The following TMC6 variants were observed in gnomAD, a reference collection of about 807,000 sequenced individuals.
TMC6 encodes transmembrane channel-like protein 6.
A neutral mutation model predicts 95.4 loss-of-function variants in TMC6; 71 were observed. The ratio of observed to expected loss-of-function variants is 0.74; its 90% confidence interval spans 0.61 to 0.91. The LOEUF (loss-of-function observed/expected upper bound fraction) is 0.91, where lower values mean the gene tolerates loss of function less well. TMC6 is among the 40% of genes least tolerant of loss of function. The pLI is 0.00. For missense variants in TMC6, 1,074 were observed against 1,079.1 expected (o/e 1.00, Z 0.07); for synonymous variants, 514 against 483.1 (o/e 1.06, Z -0.84).
At chr17:78,125,065 G>T in intron 6 of TMC6, 80 bp from the exon 7 acceptor site, 1 of 1,539,878 alleles carries the variant, frequency 6.5e-7, no homozygotes, top group Non-Finnish European at 8.7e-7. Flanking sequence ...CCACCCACGG[G>T]CTCAGCCCCT....
At chr17:78,128,848 C>T (rs1301477271), upstream of TMC6, 1 of 149,696 alleles carries the variant, frequency 6.7e-6, no homozygotes, top group Non-Finnish European at 1.5e-5. This position sits in a 1 kb window ranked among gnomAD's most constrained non-coding sequence, Gnocchi z 4.0. Context: ...GCCCGGCCCG[C>T]GGCGCCCCCG....
chr17:78,113,824 A>G, intron 18 of TMC6, 200 bp from the exon 19 acceptor site: 2 of 616,076 alleles, frequency 3.2e-6, no homozygotes, highest in Non-Finnish European at 5.8e-6. Flanking sequence ...GTATGTGTGG[A>G]TCTAAGCTTC....
intron 9 of TMC6, among the ~76,000 whole-genome samples, 162 bp downstream of exon 9, chr17:78,123,799 GGATGGGTGGGTAGGTAGATGGATGGGTA>G (rs1250885416): frequency 6.6e-6 from 1 of 151,956 alleles, no homozygotes; most frequent in Non-Finnish European, 1.5e-5. Context: ...ATGAATGGGT[GGATGGGTGGGTAGGTAGATGGATGGGTA>G]GATGGGTGGG....
At chr17:78,116,228 C>T (rs1364922630) in intron 18 of TMC6, among the ~76,000 whole-genome samples, 1 of 150,544 alleles carries the variant, frequency 6.6e-6, no homozygotes, top group Non-Finnish European at 1.5e-5. Flanking sequence ...CTGCTCACCT[C>T]GGCCTCCCAA....
At position 78,113,644 on chromosome 17, in the gene TMC6, A is replaced by G. The variant is rs149800800; in HGVS notation, c.2278-20T>C. ...ACCCTCCTAGAAAGGCCAGAACACA[A>G]AGGGGAGGAGAAATCATCCATCAGC... On this transcript the variant is annotated intron_variant, in intron 18 of 19. Coordinates refer to ENST00000590602, the MANE Select transcript of TMC6 (RefSeq NM_001127198.5). The G allele has an allele frequency of 6.2e-7, 1 of 1,612,442 alleles. No homozygotes were observed. Among genetic ancestry groups the G allele is most frequent in the African/African-American group, 1.3e-5 (1 of 75,030 alleles).
intron 19 of TMC6, 97 bp from the exon 20 acceptor site, chr17:78,113,308 C>T (rs970409062): frequency 2.3e-5 from 31 of 1,377,402 alleles, no homozygotes; most frequent in East Asian, 5.0e-5. Flanking sequence ...ACAGGCCAGA[C>T]GCCCCACAGC....
Position 78,122,639 on chromosome 17 carries a change from C to T in TMC6, c.1193G>A (p.Arg398His), listed in dbSNP as rs150505551. ...DYKVTQKRAS[R>H]LQQDNIRTRL... ...GGTGCGAATATTGTCCTGCTGGAGG[C>T]GGGAGGCCCGCTTCTGCGTCACCTT... Residue 398 changes from arginine to histidine, a missense_variant, in exon 10 of 20, where the codon CGC becomes CAC. Coordinates refer to ENST00000590602, the MANE Select transcript of TMC6 (RefSeq NM_001127198.5). The surrounding 1 kb of genome is among the most constrained non-coding windows in gnomAD (Gnocchi z 4.9). The T allele has an allele frequency of 2.0e-5, 33 of 1,611,784 alleles. No individual in the cohort carries two copies. Among genetic ancestry groups the T allele is most frequent in the Middle Eastern group, 3.3e-4 (2 of 6,080 alleles).
chr17:78,115,067 C>T (rs927063474), intron 18 of TMC6, among the ~76,000 whole-genome samples: 22 of 152,352 alleles, frequency 1.4e-4, no homozygotes, highest in East Asian at 5.8e-4. Context: ...CCACCGCAGC[C>T]GAGATGCCAG....
Position 78,122,729 on chromosome 17 carries a change from T to A in TMC6, c.1103A>T (p.Glu368Val), listed in dbSNP as rs139624494. Reference protein sequence around the residue: ...LVYSMAHSFGESYRVGSTSGI... With the variant: ...LVYSMAHSFGVSYRVGSTSGI... ...AGAGGTGCTGCCCACCCGGTAGCTCTCCCCGAAAGAGTGAGCCATGCTGGG... is the reference window on the plus strand; with the variant it reads ...AGAGGTGCTGCCCACCCGGTAGCTCACCCCGAAAGAGTGAGCCATGCTGGG... The change falls in exon 10 of 20, where the codon GAG becomes GTG. Residue 368 changes from glutamate to valine, a missense_variant. Coordinates refer to ENST00000590602, the MANE Select transcript of TMC6 (RefSeq NM_001127198.5). This position sits in a 1 kb window ranked among gnomAD's most constrained non-coding sequence, Gnocchi z 4.9. 6.2e-7 allele frequency: 1 copy of A among 1,610,946 alleles called. No individual in the cohort carries two copies. The highest frequency in any genetic ancestry group is 8.5e-7 in the Non-Finnish European group (1 of 1,179,156).
intron 18 of TMC6, among the ~76,000 whole-genome samples, chr17:78,115,103 G>T (rs918108458): frequency 1.3e-5 from 2 of 152,254 alleles, no homozygotes; most frequent in Admixed American, 1.3e-4. Context: ...TGGTGAAACG[G>T]GAAAGGCAGG....
upstream of TMC6, among the ~76,000 whole-genome samples, chr17:78,129,116 G>C (rs55952362): frequency 0.044 from 5,118 of 115,170 alleles, 371 homozygotes; most frequent in African/African-American, 0.16. This position sits in a 1 kb window ranked among gnomAD's most constrained non-coding sequence, Gnocchi z 4.3. Context: ...ATTGGGCAGC[G>C]CCCCCCCCCC....
chr17:78,125,601 G>C (rs950469342), intron 5 of TMC6, 125 bp downstream of exon 5: 5 of 1,419,918 alleles, frequency 3.5e-6, no homozygotes, highest in South Asian at 1.3e-5. Context: ...CAGGCAGCCT[G>C]CTAAGGGATA....
chr17:78,119,648 T>A (rs918417998), intron 13 of TMC6: 2 of 539,432 alleles, frequency 3.7e-6, no homozygotes, highest in Non-Finnish European at 6.7e-6. Flanking sequence ...GATTTTTTCT[T>A]TTTTGAAACA....
Position 78,119,024 on chromosome 17 carries a change from G to A in TMC6, c.1834C>T (p.Leu612Phe), listed in dbSNP as rs1331761213. 1 of 1,601,700 alleles carries A rather than the reference G, an allele frequency of 6.2e-7. No homozygotes were observed. The highest frequency in any genetic ancestry group is 1.3e-5 in the African/African-American group (1 of 74,786). Reference sequence around the variant, plus strand: ...TTGATGATCTGCACGGCGGGGAGGAGGGGCGAGAAGAGCACCCCCAGCCTG... The same window carrying A: ...TTGATGATCTGCACGGCGGGGAGGAAGGGCGAGAAGAGCACCCCCAGCCTG... ...LTWLGVLFSP[L>F]LPAVQIIKLL... Residue 612 changes from leucine (L) to phenylalanine (F), a missense_variant, in exon 15 of 20, where the codon CTC becomes TTC. By Grantham distance (22) the Leu-to-Phe change is conservative. Transcript: ENST00000590602.
chr17:78,115,460 G>C (rs375961285), intron 18 of TMC6, among the ~76,000 whole-genome samples: 2 of 152,202 alleles, frequency 1.3e-5, no homozygotes, highest in Non-Finnish European at 2.9e-5. Flanking sequence ...GCAGCAGGAC[G>C]CAAGCCTGGA....
rs368155695 is a variant in TMC6, at chr17:78,120,870, C to T, written c.1536-38G>A. 5 of 1,610,612 alleles carry T rather than the reference C, an allele frequency of 3.1e-6. 1 individual carries two copies. The highest frequency in any genetic ancestry group is 2.2e-5 in the East Asian group (1 of 44,854). ...GGGTGCAAAGGCTGAGGGGCGGGTA[C>T]AGGGGACAGAAGATGCACCCCAGGG... On this transcript the variant is annotated intron_variant, in intron 12 of 19. Coordinates refer to ENST00000590602, the MANE Select transcript of TMC6 (RefSeq NM_001127198.5).
chr17:78,113,472 G>A (rs970377780), intron 19 of TMC6, 76 bp downstream of exon 19: 9 of 1,536,762 alleles, frequency 5.9e-6, no homozygotes, highest in Non-Finnish European at 6.3e-6. Context: ...TAGCCCCAGT[G>A]GCAGCCCTAC....
chr17:78,132,323 C>CCGGCCT (rs1309227593), upstream of TMC6: 4 of 1,611,162 alleles, frequency 2.5e-6, no homozygotes, highest in Middle Eastern at 1.7e-4. Flanking sequence ...AGCCCCGGCC[C>CCGGCCT]CGGCCTCCCT....
In TMC6 at chr17:78,126,542, T is replaced by C. The variant is rs767886266; in HGVS notation, c.163A>G (p.Arg55Gly). Reference sequence around the variant, plus strand: ...AGCTCACCTGTCACCTCCCGCTCTCTCTGCTGCAGCTCCAGCCCCTCCTGG... The same window carrying C: ...AGCTCACCTGTCACCTCCCGCTCTCCCTGCTGCAGCTCCAGCCCCTCCTGG... Reference protein sequence around the residue: ...TAQEGLELQQREREVTGSSQQ... With the variant: ...TAQEGLELQQGEREVTGSSQQ... The change falls in exon 3 of 20, where the codon AGA (arginine) becomes GGA (glycine). Residue 55 changes from arginine (R) to glycine (G), a missense_variant. Arg to Gly is a moderately radical substitution (Grantham distance 125). Coordinates refer to ENST00000590602, the MANE Select transcript of TMC6 (RefSeq NM_001127198.5). 6.2e-7 allele frequency: 1 copy of C among 1,613,588 alleles called. No homozygotes were observed. Among genetic ancestry groups the C allele is most frequent in the South Asian group, 1.1e-5 (1 of 91,078 alleles).
Sources: allele counts gnomAD v4.1 joint callset (sites outside exome capture counted in the v4.1 genomes callset), GRCh38; gene constraint gnomAD v4.1.1; non-coding constraint Gnocchi (gnomAD v3.1); transcripts MANE v1.5; gene names NCBI Gene and HGNC (gene_info 2026-07-23, HGNC 2026-07-21).